The following CACNG2 variants were observed in gnomAD, a reference collection of about 807,000 sequenced individuals.
CACNG2 encodes the protein voltage-dependent calcium channel gamma-2 subunit.
A neutral mutation model predicts 25.9 loss-of-function variants in CACNG2; 3 were observed. That is an observed-to-expected ratio of 0.12 (90% CI 0.05 to 0.30). The LOEUF (loss-of-function observed/expected upper bound fraction) is 0.30, where lower values mean the gene tolerates loss of function less well. Ranked by LOEUF, CACNG2 falls within the 10% of genes least tolerant of loss-of-function variation. The pLI is 1.00. For synonymous variants in CACNG2, 167 were observed against 173.3 expected, an observed-to-expected ratio of 0.96 and a Z score of 0.29; for missense variants, 341 against 432.5, an observed-to-expected ratio of 0.79 and a Z score of 1.88.
intron 2 of CACNG2, among the ~76,000 whole-genome samples, chr22:36,568,886 TG>T (rs966666550): frequency 2.3e-4 from 19 of 84,204 alleles, no homozygotes; most frequent in Middle Eastern, 4.3e-3. Context: ...GATGGGGGCT[TG>T]GGGTGGCTGG....
At chr22:36,623,240 C>T (rs375507284) in intron 1 of CACNG2, among the ~76,000 whole-genome samples, 10 of 151,782 alleles carry the variant, frequency 6.6e-5, no homozygotes, top group African/African-American at 2.4e-4. Context: ...AGGCTGGTCT[C>T]GAACTCCTGA....
chr22:36,628,167 T>C (rs576284906), intron 1 of CACNG2, among the ~76,000 whole-genome samples: 5 of 152,350 alleles, frequency 3.3e-5, no homozygotes, highest in African/African-American at 9.6e-5. Flanking sequence ...ATAATAAGCA[T>C]GTTTTGCTTA....
chr22:36,599,650 T>C (rs1307602965), intron 1 of CACNG2, among the ~76,000 whole-genome samples: 1 of 152,050 alleles, frequency 6.6e-6, no homozygotes, highest in African/African-American at 2.4e-5. Context: ...CAGTGAGCCA[T>C]GATCATGCTA....
chr22:36,609,980 T>C (rs1935911255), intron 1 of CACNG2, among the ~76,000 whole-genome samples: 1 of 147,958 alleles, frequency 6.8e-6, no homozygotes, highest in Non-Finnish European at 1.5e-5. Context: ...CGGGCAGGAA[T>C]CAGTCTCCCA....
intron 1 of CACNG2, among the ~76,000 whole-genome samples, chr22:36,664,352 C>T (rs141680348): frequency 1.9e-3 from 295 of 152,320 alleles, no homozygotes; most frequent in African/African-American, 6.5e-3. Context: ...CTCGATGAGA[C>T]GCACTGTTCT....
intron 1 of CACNG2, among the ~76,000 whole-genome samples, chr22:36,647,596 C>CAAAA (rs34930900): frequency 0.024 from 3,560 of 149,374 alleles, 144 homozygotes; most frequent in African/African-American, 0.084. Flanking sequence ...AACTCCATAT[C>CAAAA]AAAAAAAAAA....
chr22:36,634,627 C>T (rs562731552), intron 1 of CACNG2, among the ~76,000 whole-genome samples: 170 of 152,292 alleles, frequency 1.1e-3, no homozygotes, highest in African/African-American at 3.8e-3. Context: ...GCTCCCAGGA[C>T]AGGTCTGGTA....
At chr22:36,576,189 A>C (rs913704590) in intron 2 of CACNG2, among the ~76,000 whole-genome samples, 1 of 152,224 alleles carries the variant, frequency 6.6e-6, no homozygotes, top group Non-Finnish European at 1.5e-5. Context: ...ATGGAATACT[A>C]CTCAGCAATA....
chr22:36,700,908 C>T (rs1029638498), intron 1 of CACNG2, among the ~76,000 whole-genome samples: 5 of 152,176 alleles, frequency 3.3e-5, no homozygotes, highest in Non-Finnish European at 7.3e-5. Flanking sequence ...GTTCAGCCAT[C>T]ACTCAACCGT....
intron 1 of CACNG2, among the ~76,000 whole-genome samples, chr22:36,682,298 C>T (rs564538355): frequency 2.3e-4 from 35 of 152,326 alleles, no homozygotes; most frequent in Admixed American, 2.2e-3. Context: ...CTTAATCTCT[C>T]AGCACCTCCG....
At chr22:36,695,586 T>C (rs2179871) in intron 1 of CACNG2, among the ~76,000 whole-genome samples, 125,556 of 151,044 alleles carry the variant, frequency 0.83, 52,357 homozygotes, top group African/African-American at 0.9. Context: ...TGCCCTCCGA[T>C]CTGGAATGTC....
At chr22:36,596,773 T>G (rs560875888) in intron 1 of CACNG2, among the ~76,000 whole-genome samples, 1 of 152,274 alleles carries the variant, frequency 6.6e-6, no homozygotes, top group South Asian at 2.1e-4. Flanking sequence ...AGTTCTTTTT[T>G]TTGAGACAGG....
At chr22:36,668,056 G>C (rs1398727434) in intron 1 of CACNG2, among the ~76,000 whole-genome samples, 1 of 152,188 alleles carries the variant, frequency 6.6e-6, no homozygotes, top group African/African-American at 2.4e-5. Context: ...TGAGGCAGGT[G>C]ATACTATTAG....
intron 1 of CACNG2, among the ~76,000 whole-genome samples, chr22:36,652,756 C>T (rs1424680166): frequency 6.6e-6 from 1 of 152,098 alleles, no homozygotes; most frequent in Non-Finnish European, 1.5e-5. Flanking sequence ...AACAGGTGCT[C>T]AGTAATGTTG....
intron 2 of CACNG2, among the ~76,000 whole-genome samples, chr22:36,577,742 C>G (rs1037594093): frequency 1.4e-4 from 21 of 151,270 alleles, no homozygotes; most frequent in Admixed American, 1.3e-4. Context: ...TTTTGGGGAA[C>G]ATTTTGCTCT....
chr22:36,625,961 C>T (rs1187705048), intron 1 of CACNG2, among the ~76,000 whole-genome samples: 2 of 152,102 alleles, frequency 1.3e-5, no homozygotes, highest in South Asian at 2.1e-4. Context: ...ACTCTGTCAC[C>T]CAGGCTGGAG....
chr22:36,635,552 C>A (rs1272899579), intron 1 of CACNG2, among the ~76,000 whole-genome samples: 1 of 152,084 alleles, frequency 6.6e-6, no homozygotes, highest in Non-Finnish European at 1.5e-5. Context: ...GTGGTACATC[C>A]CTTTGATGTC....
chr22:36,632,312 C>T (rs59789918), intron 1 of CACNG2, among the ~76,000 whole-genome samples: 17,967 of 152,034 alleles, frequency 0.12, 2,743 homozygotes, highest in African/African-American at 0.35. Context: ...AGCTTTCACA[C>T]GTAGGAGCTG....
chr22:36,607,417 A>C (rs1387791420), intron 1 of CACNG2, among the ~76,000 whole-genome samples: 1 of 152,028 alleles, frequency 6.6e-6, no homozygotes, highest in Admixed American at 6.6e-5. Flanking sequence ...AATCATGCTC[A>C]GCTAATTTTT....
Sources: allele counts gnomAD v4.1 joint callset (sites outside exome capture counted in the v4.1 genomes callset), GRCh38; gene constraint gnomAD v4.1.1; transcripts MANE v1.5; gene names NCBI Gene and HGNC (gene_info 2026-07-23, HGNC 2026-07-21).